The following ANKH variants were observed in gnomAD, a reference collection of about 807,000 sequenced individuals.
The protein encoded by ANKH is mineralization regulator ANKH.
A neutral mutation model predicts 49.0 loss-of-function variants in ANKH; 15 were observed. The observed-to-expected ratio is 0.31, with a 90% CI of 0.20 to 0.47. The LOEUF is 0.47. Among genes scored for constraint, ANKH ranks in the 20% least tolerant of loss-of-function variants. The probability of loss-of-function intolerance (pLI) is 1.00; values close to 1 mark genes in which losing one functional copy is unlikely to be tolerated. For missense variants in ANKH, 429 were observed against 652.0 expected (o/e 0.66, Z 3.72); for synonymous variants, 273 against 260.0 (o/e 1.05, Z -0.48).
At chr5:14,834,819 A>T (rs1040263350) in intron 1 of ANKH, among the ~76,000 whole-genome samples, 1 of 152,178 alleles carries the variant, frequency 6.6e-6, no homozygotes, top group African/African-American at 2.4e-5. Context: ...CATCTTGGAC[A>T]TGTGCCTTAG....
At chr5:14,820,932 A>C (rs1741180594) in intron 1 of ANKH, among the ~76,000 whole-genome samples, 1 of 152,096 alleles carries the variant, frequency 6.6e-6, no homozygotes, top group African/African-American at 2.4e-5. Flanking sequence ...ACCTGTCTCT[A>C]CCAGAAATAC....
chr5:14,862,551 C>T (rs1401270726), intron 1 of ANKH, among the ~76,000 whole-genome samples: 3 of 152,170 alleles, frequency 2.0e-5, no homozygotes, highest in African/African-American at 7.2e-5. Flanking sequence ...CCACGTTCCC[C>T]AGCAGAGCAT....
chr5:14,793,013 T>A (rs1740228035), intron 1 of ANKH, among the ~76,000 whole-genome samples: 1 of 67,278 alleles, frequency 1.5e-5, no homozygotes, highest in South Asian at 5.4e-4. Context: ...TATAAATATA[T>A]ATATATAAAT....
rs1737115097 is a variant in ANKH, at chr5:14,710,258, T to TACTTAAAGCTTCAGTTCA, written c.*938_*939insTGAACTGAAGCTTTAAGT. 6.6e-6 allele frequency: 1 copy of TACTTAAAGCTTCAGTTCA among 152,194 alleles called. No homozygotes were observed. The highest frequency in any genetic ancestry group is 1.5e-5 in the Non-Finnish European group (1 of 68,044). 9.4% of individuals were successfully genotyped at this position (152,194 alleles called of 1,614,324 possible). On this transcript the variant is annotated 3_prime_UTR_variant, in exon 12 of 12. Coordinates refer to ENST00000284268, the MANE Select transcript of ANKH (RefSeq NM_054027.6). ...TGGCATTAGAATGCTGGATGAGACT[T>TACTTAAAGCTTCAGTTCA]AAAGCTTCAGTTCACTGTAAAAACT...
intron 2 of ANKH, among the ~76,000 whole-genome samples, chr5:14,759,205 T>C (rs772085283): frequency 1.1e-4 from 17 of 152,222 alleles, no homozygotes; most frequent in Non-Finnish European, 2.2e-4. Context: ...GGTATAGTCC[T>C]GCACCGCTGG....
At chr5:14,771,368 C>T (rs1440824582) in intron 1 of ANKH, among the ~76,000 whole-genome samples, 1 of 152,184 alleles carries the variant, frequency 6.6e-6, no homozygotes, top group Non-Finnish European at 1.5e-5. Flanking sequence ...ATAAGAATAA[C>T]AACTTAAACA....
rs963039838 is a variant in ANKH, at chr5:14,708,804, T to A, written c.*2393A>T. 9 of 152,198 alleles carry A rather than the reference T, an allele frequency of 5.9e-5. No individual in the cohort carries two copies. The highest frequency in any genetic ancestry group is 2.9e-5 in the Non-Finnish European group (2 of 68,058). The allele number at this position is 152,198 out of a possible 1,614,324, so 9.4% of individuals were successfully genotyped here. The stretch of plus-strand genomic sequence containing the variant: ...CTAACCAAATATTATGGCCCACTGA[T>A]CTTGATCACTGAAGGAATCTCTGGA... On this transcript the variant is annotated 3_prime_UTR_variant, in exon 12 of 12. Coordinates refer to ENST00000284268, the MANE Select transcript of ANKH (RefSeq NM_054027.6).
In ANKH at chr5:14,706,622, T is replaced by A. The variant is rs1266947255; in HGVS notation, c.*4575A>T. 1 of 152,206 alleles carries A rather than the reference T, an allele frequency of 6.6e-6. No homozygotes were observed. Among genetic ancestry groups the A allele is most frequent in the Non-Finnish European group, 1.5e-5 (1 of 68,032 alleles). 9.4% of individuals were successfully genotyped at this position (152,206 alleles called of 1,614,324 possible). On this transcript the variant is annotated 3_prime_UTR_variant, in exon 12 of 12. Transcript: ENST00000284268. ...GATTCCACAATGCAATTTCTCTCAT[T>A]TTGAACATTTGCATGATTTTAGACA...
At chr5:14,858,898 G>A (rs2126629650) in intron 1 of ANKH, among the ~76,000 whole-genome samples, 1 of 151,650 alleles carries the variant, frequency 6.6e-6, no homozygotes, top group African/African-American at 2.4e-5. Flanking sequence ...AAATGAAAAT[G>A]AATGGTATCT....
chr5:14,839,103 T>C (rs1343536121), intron 1 of ANKH, among the ~76,000 whole-genome samples: 3 of 152,162 alleles, frequency 2.0e-5, no homozygotes, highest in African/African-American at 4.8e-5. Flanking sequence ...CCTTGTGCCA[T>C]GTTAGCTTAA....
At chr5:14,863,794 C>A (rs566560348) in intron 1 of ANKH, among the ~76,000 whole-genome samples, 1 of 152,316 alleles carries the variant, frequency 6.6e-6, no homozygotes, top group East Asian at 1.9e-4. Flanking sequence ...CCTCCTCCCA[C>A]CCAACATAAC....
At chr5:14,831,051 C>T (rs963367417) in intron 1 of ANKH, among the ~76,000 whole-genome samples, 1 of 152,106 alleles carries the variant, frequency 6.6e-6, no homozygotes, top group African/African-American at 2.4e-5. Flanking sequence ...ATTTCAGCAC[C>T]AGGTACTTCC....
intron 8 of ANKH, among the ~76,000 whole-genome samples, chr5:14,723,462 G>T (rs1737731980): frequency 6.6e-6 from 1 of 151,970 alleles, no homozygotes; most frequent in South Asian, 2.1e-4. Flanking sequence ...AGGAGTTCGA[G>T]ACCAGCCTGG....
intron 1 of ANKH, among the ~76,000 whole-genome samples, chr5:14,848,524 G>A (rs968485960): frequency 5.9e-5 from 9 of 152,108 alleles, no homozygotes; most frequent in African/African-American, 2.2e-4. Flanking sequence ...TTTGCTCGCC[G>A]TCCGGCACTG....
chr5:14,762,837 G>A (rs752826174), intron 2 of ANKH, among the ~76,000 whole-genome samples: 2 of 152,132 alleles, frequency 1.3e-5, no homozygotes, highest in African/African-American at 4.8e-5. Flanking sequence ...TCTATAAACC[G>A]CCTTACCAAG....
chr5:14,793,789 C>A (rs1175649841), intron 1 of ANKH, among the ~76,000 whole-genome samples: 1 of 152,198 alleles, frequency 6.6e-6, no homozygotes, highest in Non-Finnish European at 1.5e-5. Context: ...GAGGCCCTGG[C>A]AGGAGCATTT....
At chr5:14,751,869 A>G (rs917493950) in intron 4 of ANKH, among the ~76,000 whole-genome samples, 2 of 152,202 alleles carry the variant, frequency 1.3e-5, no homozygotes, top group Admixed American at 6.5e-5. Flanking sequence ...TTACCAACTT[A>G]ATGTAGCCTT....
intron 2 of ANKH, among the ~76,000 whole-genome samples, chr5:14,762,845 A>G (rs1739134109): frequency 6.6e-6 from 1 of 152,232 alleles, no homozygotes; most frequent in Non-Finnish European, 1.5e-5. Flanking sequence ...CCGCCTTACC[A>G]AGACTGTTCT....
chr5:14,867,811 G>A lies in ANKH; in HGVS notation c.96+3541C>T, dbSNP rs369063509. Among the ~76,000 whole-genome samples, 10 of 152,204 alleles carry A rather than the reference G, an allele frequency of 6.6e-5. No individual in the cohort carries two copies. In the East Asian group the frequency reaches 1.2e-3, roughly 18 times the overall value. ...CCTGACCTCATGATCCACCCGCCTC[G>A]GCCTCCCAAAGGTGTTCCCATTTTC... On this transcript the variant is annotated intron_variant, in intron 1 of 11. Transcript: ENST00000284268.
Sources: allele counts gnomAD v4.1 joint callset (sites outside exome capture counted in the v4.1 genomes callset), GRCh38; gene constraint gnomAD v4.1.1; transcripts MANE v1.5; gene names NCBI Gene and HGNC (gene_info 2026-07-23, HGNC 2026-07-21).